The following MTMR14 variants were observed in gnomAD, a reference collection of about 807,000 sequenced individuals.
MTMR14 encodes the protein myotubularin related protein 14.
MTMR14 carries 48 observed loss-of-function variants against 86.3 expected under a neutral mutation model. That is an observed-to-expected ratio of 0.56 (90% confidence interval 0.44 to 0.71). The LOEUF is 0.71. Ranked by LOEUF, MTMR14 falls within the 30% of genes least tolerant of loss-of-function variation. The pLI, the probability that MTMR14 is intolerant of heterozygous loss-of-function variation, is 0.00. For missense variants in MTMR14, 780 were observed against 834.6 expected (o/e 0.93, Z 0.81); for synonymous variants, 366 against 326.1 (o/e 1.12, Z -1.32).
At chr3:9,672,656 C>G in intron 6 of MTMR14, 29 bp from the exon 7 acceptor site, 7 of 1,582,610 alleles carry the variant, frequency 4.4e-6, no homozygotes, top group Non-Finnish European at 6.1e-6. Context: ...TGTTGCGACA[C>G]TGTAACACAT....
At chr3:9,650,940 C>T (rs1024468518) in intron 1 of MTMR14, among the ~76,000 whole-genome samples, 6 of 152,166 alleles carry the variant, frequency 3.9e-5, no homozygotes, top group African/African-American at 1.4e-4. Flanking sequence ...AGGACCCCAC[C>T]ACCACGCCCA....
intron 7 of MTMR14, chr3:9,675,692 G>A: frequency 2.2e-6 from 1 of 457,316 alleles, no homozygotes; most frequent in South Asian, 1.5e-5. Flanking sequence ...TTAGGCATTT[G>A]CCCTGAGTAG....
intron 17 of MTMR14, among the ~76,000 whole-genome samples, chr3:9,694,574 C>T (rs1020464529): frequency 4.6e-5 from 7 of 152,124 alleles, no homozygotes; most frequent in African/African-American, 1.7e-4. Context: ...AGTAAATACT[C>T]ATAGTAGATA....
chr3:9,662,273 G>C lies in MTMR14; in HGVS notation c.315G>C (p.Glu105Asp). ...ESSEKEKDTF[E>D]STVQVSKLQD... ...TCTCTTGCCTGTGTGTTAGGTTTGA[G>C]AGTACCGTACAGGTGAGCAAGTTGC... The change falls in exon 3 of 19, where the codon GAG becomes GAC. Residue 105 changes from glutamate (E) to aspartate (D), a missense_variant. Coordinates refer to ENST00000296003, the MANE Select transcript of MTMR14 (RefSeq NM_001077525.3). The C allele has an allele frequency of 6.2e-7, 1 of 1,613,046 alleles. No individual in the cohort carries two copies. Among genetic ancestry groups the C allele is most frequent in the South Asian group, 1.1e-5 (1 of 91,016 alleles).
chr3:9,702,247 G>T lies in MTMR14; in HGVS notation c.*274G>T. ...CCCATCAACTCTCAGAACTGTGTGG[G>T]GTTTCCCTGGGGCCTTGTGGAAGCC... On this transcript the variant is annotated 3_prime_UTR_variant, in exon 19 of 19. Coordinates refer to ENST00000296003, the MANE Select transcript of MTMR14 (RefSeq NM_001077525.3). 1 of 520,594 alleles carries T rather than the reference G, an allele frequency of 1.9e-6. No homozygotes were observed. The highest frequency in any genetic ancestry group is 2.0e-5 in the South Asian group (1 of 49,670). The allele number at this position is 520,594 out of a possible 1,614,324, so 32.2% of individuals were successfully genotyped here.
intron 17 of MTMR14, among the ~76,000 whole-genome samples, chr3:9,691,054 T>G (rs982915940): frequency 2.0e-5 from 3 of 152,202 alleles, no homozygotes; most frequent in Admixed American, 6.5e-5. Context: ...CACCCCTCTA[T>G]GGTTTTTCCC....
chr3:9,649,786 G>T, intron 1 of MTMR14, 44 bp downstream of exon 1: 1 of 1,609,130 alleles, frequency 6.2e-7, no homozygotes, highest in South Asian at 1.1e-5. Flanking sequence ...TCCTAACTTG[G>T]GAAGTTACAG....
At chr3:9,655,325 C>T (rs563663949) in intron 2 of MTMR14, among the ~76,000 whole-genome samples, 1 of 151,506 alleles carries the variant, frequency 6.6e-6, no homozygotes, top group South Asian at 2.1e-4. Context: ...CGAGATTGCA[C>T]CACTGCACTC....
intron 9 of MTMR14, among the ~76,000 whole-genome samples, chr3:9,681,785 T>A (rs1016143956): frequency 6.6e-6 from 1 of 151,946 alleles, no homozygotes; most frequent in Non-Finnish European, 1.5e-5. Flanking sequence ...GTACCTACAG[T>A]GATTAAGAAT....
intron 6 of MTMR14, among the ~76,000 whole-genome samples, chr3:9,671,733 C>G (rs1027660142): frequency 3.9e-4 from 60 of 152,124 alleles, no homozygotes; most frequent in Non-Finnish European, 2.8e-4. Flanking sequence ...ATAAAAATAA[C>G]ACATATGGAC....
At position 9,688,990 on chromosome 3, in the gene MTMR14, C is replaced by T. The variant is rs1268308955; in HGVS notation, c.1341C>T (p.Ser447=). Residue 447 remains serine, a synonymous_variant, in exon 16 of 19, where the codon TCC becomes TCT. Transcript: ENST00000296003. ...CCACCAGCCTTGGCAGCGACTTCTCCCTGGTCATGGAGAGTTCCCCAGGAG... is the reference window on the plus strand; with the variant it reads ...CCACCAGCCTTGGCAGCGACTTCTCTCTGGTCATGGAGAGTTCCCCAGGAG... ...GSTTSLGSDF[S]LVMESSPGAT... is the part of the protein sequence containing the mutation. The T allele has an allele frequency of 1.2e-6, 2 of 1,614,026 alleles. No individual in the cohort carries two copies. The highest frequency in any genetic ancestry group is 1.7e-6 in the Non-Finnish European group (2 of 1,180,028).
intron 2 of MTMR14, chr3:9,659,690 G>A (rs745726846): frequency 5.3e-5 from 24 of 454,932 alleles, no homozygotes; most frequent in Middle Eastern, 5.3e-4. Flanking sequence ...GTGATCTGCC[G>A]CCTGAGCCTC....
At chr3:9,666,022 C>T (rs1332856260) in intron 3 of MTMR14, among the ~76,000 whole-genome samples, 2 of 150,706 alleles carry the variant, frequency 1.3e-5, no homozygotes, top group African/African-American at 2.4e-5. Flanking sequence ...CCACCGTGCC[C>T]GGCCCATTTC....
intron 2 of MTMR14, among the ~76,000 whole-genome samples, chr3:9,656,165 A>C (rs1321256050): frequency 2.0e-5 from 3 of 152,136 alleles, no homozygotes; most frequent in Admixed American, 6.5e-5. Flanking sequence ...ACTGCATTCC[A>C]GCCTGGCGAC....
At chr3:9,666,098 G>A (rs181812527) in intron 3 of MTMR14, among the ~76,000 whole-genome samples, 30 of 148,176 alleles carry the variant, frequency 2.0e-4, no homozygotes, top group Non-Finnish European at 4.0e-4. Context: ...TTTGAAATGA[G>A]TCCACGTTTC....
At chr3:9,686,603 C>T (rs577522069) in intron 13 of MTMR14, among the ~76,000 whole-genome samples, 48 of 152,296 alleles carry the variant, frequency 3.2e-4, no homozygotes, top group Non-Finnish European at 5.4e-4. Flanking sequence ...AACATATTAG[C>T]ATATTAGCAT....
chr3:9,658,030 A>G (rs1460079854), intron 2 of MTMR14, among the ~76,000 whole-genome samples: 1 of 152,298 alleles, frequency 6.6e-6, no homozygotes. Flanking sequence ...AGTTAGGCCA[A>G]GGCCACTGTG....
chr3:9,673,170 T>A (rs2048666165), intron 7 of MTMR14, among the ~76,000 whole-genome samples: 1 of 152,236 alleles, frequency 6.6e-6, no homozygotes, highest in Non-Finnish European at 1.5e-5. Flanking sequence ...TGCTGTAGCC[T>A]GAGTGGATGT....
chr3:9,670,100 A>G (rs1453934198), intron 5 of MTMR14, among the ~76,000 whole-genome samples: 1 of 152,260 alleles, frequency 6.6e-6, no homozygotes, highest in Admixed American at 6.5e-5. Flanking sequence ...ACTACAGGAT[A>G]TTTTAGAAAA....
Sources: allele counts gnomAD v4.1 joint callset (sites outside exome capture counted in the v4.1 genomes callset), GRCh38; gene constraint gnomAD v4.1.1; transcripts MANE v1.5; gene names NCBI Gene and HGNC (gene_info 2026-07-23, HGNC 2026-07-21).